STEAP1B: variants seen among roughly 807,000 people sequenced by gnomAD.
STEAP1B encodes the protein STEAP family protein MGC87042.
Under a neutral mutation model 27.9 loss-of-function variants are expected in STEAP1B, and 13 were observed. The observed-to-expected ratio is 0.47, with a 90% CI of 0.30 to 0.74. STEAP1B has a LOEUF of 0.74. Among genes scored for constraint, STEAP1B ranks in the 30% least tolerant of loss-of-function variants. STEAP1B has a pLI of 0.06. For synonymous variants in STEAP1B, 86 were observed against 107.1 expected (o/e 0.80, Z 1.22); for missense variants, 250 against 298.7 (o/e 0.84, Z 1.20).
chr7:22,429,257 C>A (rs2128399602), intron 4 of STEAP1B, among the ~76,000 whole-genome samples: 1 of 152,230 alleles, frequency 6.6e-6, no homozygotes, highest in East Asian at 1.9e-4. Flanking sequence ...TTTGTAAGAG[C>A]AAGAACTCTA....
At chr7:22,430,707 G>T (rs1389221643) in intron 4 of STEAP1B, among the ~76,000 whole-genome samples, 1 of 152,194 alleles carries the variant, frequency 6.6e-6, no homozygotes, top group Non-Finnish European at 1.5e-5. Flanking sequence ...CTCAAGGAAT[G>T]TGAAGAAAGC....
At chr7:22,456,685 A>C (rs1277154723) in intron 4 of STEAP1B, among the ~76,000 whole-genome samples, 4 of 152,106 alleles carry the variant, frequency 2.6e-5, no homozygotes, top group Non-Finnish European at 4.4e-5. Flanking sequence ...TTGAGTCATG[A>C]AAAAAGGGAA....
chr7:22,498,937 C>T (rs1370444458), intron 1 of STEAP1B, among the ~76,000 whole-genome samples: 1 of 152,246 alleles, frequency 6.6e-6, no homozygotes, highest in Non-Finnish European at 1.5e-5. Flanking sequence ...AGCTTGTTGA[C>T]TGTGTGGCCC....
intron 4 of STEAP1B, among the ~76,000 whole-genome samples, chr7:22,489,508 C>T (rs180970492): frequency 2.2e-4 from 33 of 152,278 alleles, no homozygotes; most frequent in Admixed American, 2.0e-3. Flanking sequence ...TGCAGATGAT[C>T]AAGTTCACCT....
chr7:22,427,341 A>G (rs1785121967), intron 4 of STEAP1B, among the ~76,000 whole-genome samples: 2 of 152,240 alleles, frequency 1.3e-5, no homozygotes, highest in Non-Finnish European at 2.9e-5. Flanking sequence ...GGAGATGACA[A>G]CCTGGCCTAA....
chr7:22,424,974 G>GACTAAAGTAAT (rs1785088394), intron 4 of STEAP1B, among the ~76,000 whole-genome samples: 1 of 151,658 alleles, frequency 6.6e-6, no homozygotes, highest in African/African-American at 2.4e-5. Flanking sequence ...GAAGGAACTA[G>GACTAAAGTAAT]ACTAAAGTAT....
At chr7:22,438,845 G>T in intron 4 of STEAP1B, 1 of 1,339,310 alleles carries the variant, frequency 7.5e-7, no homozygotes, top group Non-Finnish European at 9.7e-7. Context: ...TGAGAAAACT[G>T]AATACTCTCC....
rs1303861836 is a variant in STEAP1B at position 22,454,844 on chromosome 7, T to TAA, written c.763-35009_763-35008insTT. 7.5e-4 allele frequency among the ~76,000 whole-genome samples: 52 copies of TAA among 69,344 alleles called. No individual in the cohort carries two copies. The East Asian group carries it at 0.012, about 16-fold the overall frequency. The allele number at this position is 69,344 out of a possible 152,430, so 45.5% of individuals were successfully genotyped here. A position where few individuals can be genotyped will look rare whatever the true frequency, so the allele number is the denominator to read the frequency against. On this transcript the variant is annotated intron_variant, in intron 4 of 4. Transcript: ENST00000678116. ...AGAAAATATTATATATATATATATA[T>TAA]ATATGTATATATATATATATATTTT...
At chr7:22,462,118 C>A (rs1277334616) in intron 4 of STEAP1B, among the ~76,000 whole-genome samples, 1 of 152,098 alleles carries the variant, frequency 6.6e-6, no homozygotes, top group South Asian at 2.1e-4. Context: ...AGTATCACTA[C>A]CAACTAAAAA....
At chr7:22,482,249 A>G (rs753034449) in intron 4 of STEAP1B, among the ~76,000 whole-genome samples, 1 of 152,168 alleles carries the variant, frequency 6.6e-6, no homozygotes, top group Non-Finnish European at 1.5e-5. Context: ...TCGTGTTCCA[A>G]TGATTTACTG....
intron 4 of STEAP1B, among the ~76,000 whole-genome samples, chr7:22,448,897 G>A (rs1372510169): frequency 6.6e-6 from 1 of 152,200 alleles, no homozygotes; most frequent in Non-Finnish European, 1.5e-5. Context: ...TGGGACACAC[G>A]AACAAGCAAG....
intron 4 of STEAP1B, chr7:22,438,795 A>G (rs1037691758): frequency 4.3e-5 from 65 of 1,523,040 alleles, no homozygotes; most frequent in Non-Finnish European, 5.6e-5. Flanking sequence ...GTGCCTGTGT[A>G]AAGTATGTGG....
chr7:22,422,287 G>T (rs1413395224), intron 4 of STEAP1B, among the ~76,000 whole-genome samples: 1 of 152,194 alleles, frequency 6.6e-6, no homozygotes, highest in East Asian at 1.9e-4. Context: ...ACCTTACTGA[G>T]TATGCTTAGT....
chr7:22,440,382 G>A (rs80024411), intron 4 of STEAP1B, among the ~76,000 whole-genome samples: 5,754 of 152,214 alleles, frequency 0.038, 353 homozygotes, highest in African/African-American at 0.13. Context: ...AATAATCTTA[G>A]GTAGAAATTA....
In STEAP1B at chr7:22,492,319, CAAAAAAAAAAAAAA is replaced by C. The variant is rs56679156; in HGVS notation, c.762+232_762+245del. The C allele has an allele frequency of 2.3e-3, 127 of 54,808 alleles. 1 individual carries two copies. The highest frequency in any genetic ancestry group is 2.9e-3 in the Non-Finnish European group (104 of 35,562). 3.4% of individuals were successfully genotyped at this position (54,808 alleles called of 1,614,324 possible). ...GGGCAACAGAGCGAGACTTCATCTC[CAAAAAAAAAAAAAA>C]AAAAAAAAAAAAAAGGATATTTTAA... On this transcript the variant is annotated intron_variant, in intron 4 of 4. Coordinates refer to ENST00000678116, the MANE Select transcript of STEAP1B (RefSeq NM_001382447.1).
intron 4 of STEAP1B, among the ~76,000 whole-genome samples, chr7:22,447,974 T>A (rs1785432578): frequency 6.6e-6 from 1 of 152,220 alleles, no homozygotes; most frequent in African/African-American, 2.4e-5. Flanking sequence ...CATATTGGTT[T>A]CATTTACCCT....
chr7:22,458,638 A>T (rs1785628270), intron 4 of STEAP1B, among the ~76,000 whole-genome samples: 1 of 152,146 alleles, frequency 6.6e-6, no homozygotes, highest in Non-Finnish European at 1.5e-5. Context: ...GAGGGAAAGC[A>T]TTTTGCACAA....
intron 4 of STEAP1B, among the ~76,000 whole-genome samples, chr7:22,438,099 G>A (rs1004897960): frequency 6.6e-6 from 1 of 152,042 alleles, no homozygotes; most frequent in South Asian, 2.1e-4. Context: ...TGTGCAGAAG[G>A]TTTTTACTTT....
intron 4 of STEAP1B, among the ~76,000 whole-genome samples, chr7:22,491,570 G>A (rs182322337): frequency 1.6e-4 from 25 of 152,218 alleles, no homozygotes; most frequent in African/African-American, 5.5e-4. Context: ...ACTTTGAAGA[G>A]GAAAGAAGAG....
Sources: gnomAD v4.1 joint callset for allele counts (sites outside exome capture counted in the v4.1 genomes callset) on GRCh38, gnomAD v4.1.1 for gene constraint, MANE v1.5 for transcripts, NCBI Gene and HGNC (gene_info 2026-07-23, HGNC 2026-07-21) for gene names.